EDIL3: variants seen among roughly 807,000 people sequenced by gnomAD.
EDIL3 encodes the protein EGF like and discoidin domains 3.
In EDIL3, 37 loss-of-function variants were observed where a neutral mutation model predicts 67.4. The ratio of observed to expected loss-of-function variants is 0.55; its 90% CI spans 0.42 to 0.72. The LOEUF (loss-of-function observed/expected upper bound fraction) is 0.72, where lower values mean the gene tolerates loss of function less well. EDIL3 is among the 30% of genes least tolerant of loss of function. EDIL3 has a pLI of 0.00. For synonymous variants in EDIL3, 195 were observed against 196.3 expected (o/e 0.99, Z 0.05); for missense variants, 527 against 586.3 (o/e 0.90, Z 1.04).
At chr5:84,040,043 C>G (rs759763966) in intron 9 of EDIL3, among the ~76,000 whole-genome samples, 1 of 152,076 alleles carries the variant, frequency 6.6e-6, no homozygotes, top group Non-Finnish European at 1.5e-5. Flanking sequence ...AAAATAGGTA[C>G]TATTATTCCT....
At chr5:84,062,684 T>A (rs950302192) in intron 8 of EDIL3, among the ~76,000 whole-genome samples, 3 of 152,160 alleles carry the variant, frequency 2.0e-5, no homozygotes, top group African/African-American at 7.2e-5. Context: ...TACCTGCTCA[T>A]CTTCTAGGCA....
chr5:83,990,065 A>G (rs1745123511), intron 9 of EDIL3, among the ~76,000 whole-genome samples: 1 of 152,230 alleles, frequency 6.6e-6, no homozygotes, highest in African/African-American at 2.4e-5. Flanking sequence ...CCCAGTCAAC[A>G]ACTTAATTGC....
Position 84,066,620 on chromosome 5 carries a change from C to G in EDIL3, c.652-14G>C. On this transcript the variant is annotated splice_polypyrimidine_tract_variant and intron_variant, in intron 6 of 10. Coordinates refer to ENST00000296591, the MANE Select transcript of EDIL3 (RefSeq NM_005711.5). ...TTGCAAATTTATCTGAAAAGACGAG[C>G]ACAACCAACAATAATCTTATTGTTT... 1 of 1,609,306 alleles carries G rather than the reference C, an allele frequency of 6.2e-7. No homozygotes were observed. Among genetic ancestry groups the G allele is most frequent in the Non-Finnish European group, 8.5e-7 (1 of 1,178,838 alleles).
rs577871466 is a variant in EDIL3 at position 84,311,940 on chromosome 5, A to G, written c.68-57728T>C. ...TTTTCTTAGTACAGAACAAAATGAA[A>G]AGTCTCCCGTGTCTACCTCTTTCTA... On this transcript the variant is annotated intron_variant, in intron 1 of 10. Coordinates refer to ENST00000296591, the MANE Select transcript of EDIL3 (RefSeq NM_005711.5). Among the ~76,000 whole-genome samples the G allele has an allele frequency of 5.9e-5, 9 of 152,198 alleles. No individual in the cohort carries two copies. In the South Asian group the frequency reaches 1.9e-3, roughly 32 times the overall value.
At chr5:84,181,112 C>A (rs922967526) in intron 3 of EDIL3, 10 of 152,160 alleles carry the variant, frequency 6.6e-5, no homozygotes, top group African/African-American at 2.4e-4. Context: ...TGGGGAAGCA[C>A]ATTTTCTGCC....
At chr5:84,334,174 G>T (rs1746937193) in intron 1 of EDIL3, among the ~76,000 whole-genome samples, 1 of 151,278 alleles carries the variant, frequency 6.6e-6, no homozygotes, top group Non-Finnish European at 1.5e-5. Context: ...TCAAGCGGGA[G>T]CCTTAGCCTC....
chr5:84,163,764 T>C (rs1395537609), intron 4 of EDIL3, among the ~76,000 whole-genome samples: 1 of 152,132 alleles, frequency 6.6e-6, no homozygotes, highest in Non-Finnish European at 1.5e-5. Context: ...AACACATGTA[T>C]AAACTTGCAG....
intron 3 of EDIL3, among the ~76,000 whole-genome samples, chr5:84,214,132 C>T (rs1248232548): frequency 6.6e-6 from 1 of 152,150 alleles, no homozygotes; most frequent in Non-Finnish European, 1.5e-5. Flanking sequence ...CCAGTTATTA[C>T]TAACAATGGC....
At chr5:84,206,333 G>C (rs1216628435) in intron 3 of EDIL3, among the ~76,000 whole-genome samples, 8 of 151,722 alleles carry the variant, frequency 5.3e-5, no homozygotes, top group Admixed American at 3.3e-4. Flanking sequence ...TTACTTCCAA[G>C]TATGTGGTCA....
At chr5:84,192,359 C>T (rs190151112) in intron 3 of EDIL3, among the ~76,000 whole-genome samples, 2 of 152,074 alleles carry the variant, frequency 1.3e-5, no homozygotes, top group Admixed American at 1.3e-4. Context: ...AGTGTTACCT[C>T]CCCTGTTCAT....
chr5:84,242,222 ACT>A (rs533515526), intron 2 of EDIL3, among the ~76,000 whole-genome samples: 133 of 151,278 alleles, frequency 8.8e-4, no homozygotes, highest in African/African-American at 3.1e-3. Flanking sequence ...GCAGAGCGAG[ACT>A]CTGTCTCAAA....
intron 2 of EDIL3, among the ~76,000 whole-genome samples, chr5:84,247,796 G>A (rs1240153739): frequency 6.6e-6 from 1 of 151,752 alleles, no homozygotes; most frequent in Non-Finnish European, 1.5e-5. Flanking sequence ...TATATATTTG[G>A]AAATGAGAAG....
chr5:84,145,594 C>G (rs1341604532), intron 4 of EDIL3, among the ~76,000 whole-genome samples: 1 of 151,894 alleles, frequency 6.6e-6, no homozygotes, highest in Non-Finnish European at 1.5e-5. Context: ...AAAAATAATT[C>G]AAAAAGTGAG....
chr5:84,089,111 CCTAA>C (rs1411825375), intron 6 of EDIL3, among the ~76,000 whole-genome samples: 8 of 152,060 alleles, frequency 5.3e-5, no homozygotes, highest in Non-Finnish European at 1.0e-4. Flanking sequence ...CCAAATGTTC[CCTAA>C]CTATCTCTTT....
chr5:84,107,019 C>T (rs567638276), intron 5 of EDIL3, among the ~76,000 whole-genome samples, 189 bp from the exon 6 acceptor site: 2 of 152,132 alleles, frequency 1.3e-5, no homozygotes, highest in Non-Finnish European at 2.9e-5. Context: ...TCTCATGACC[C>T]TCTCTTCCTT....
chr5:84,148,600 C>T (rs1413283106), intron 4 of EDIL3, among the ~76,000 whole-genome samples: 2 of 152,004 alleles, frequency 1.3e-5, no homozygotes, highest in African/African-American at 4.8e-5. Flanking sequence ...GAGTTTCAGT[C>T]CTCATCAAGG....
intron 1 of EDIL3, among the ~76,000 whole-genome samples, chr5:84,366,653 A>C (rs1432655521): frequency 6.6e-6 from 1 of 152,220 alleles, no homozygotes; most frequent in Non-Finnish European, 1.5e-5. Context: ...AGAAATGATA[A>C]ATTATCAAAA....
Position 84,080,298 on chromosome 5 carries a change from C to CAAAA in EDIL3, c.652-13696_652-13693dup, listed in dbSNP as rs369961167. On this transcript the variant is annotated intron_variant, in intron 6 of 10. Transcript: ENST00000296591. ...TGGGTGACAGAGCGAGACTCTGTCTCAAAAAAAAAAAAAAAAAATTAACTC... is the reference window on the plus strand; with the variant it reads ...TGGGTGACAGAGCGAGACTCTGTCTCAAAAAAAAAAAAAAAAAAAAAATTAACTC... Among the ~76,000 whole-genome samples, 155 of 54,274 alleles carry CAAAA rather than the reference C, an allele frequency of 2.9e-3. 3 individuals carry two copies. Among genetic ancestry groups the CAAAA allele is most frequent in the Non-Finnish European group, 3.8e-3 (119 of 31,164 alleles). 35.6% of individuals were successfully genotyped at this position (54,274 alleles called of 152,430 possible).
chr5:84,248,983 C>A (rs1012104193), intron 2 of EDIL3, among the ~76,000 whole-genome samples: 1 of 150,122 alleles, frequency 6.7e-6, no homozygotes, highest in East Asian at 1.9e-4. Flanking sequence ...AATACAAAAT[C>A]TCTTGTTTTT....
Sources: allele counts gnomAD v4.1 joint callset (sites outside exome capture counted in the v4.1 genomes callset), GRCh38; gene constraint gnomAD v4.1.1; transcripts MANE v1.5; gene names NCBI Gene and HGNC (gene_info 2026-07-23, HGNC 2026-07-21).